EFNA5: variants seen among roughly 807,000 people sequenced by gnomAD.
EFNA5 encodes ephrin-A5.
In EFNA5, 5 loss-of-function variants were observed where a neutral mutation model predicts 22.9. The observed-to-expected ratio is 0.22, with a 90% CI of 0.11 to 0.46. The LOEUF is 0.46. EFNA5 is among the 20% of genes least tolerant of loss of function. The pLI is 0.99. For synonymous variants in EFNA5, 113 were observed against 112.2 expected, an observed-to-expected ratio of 1.01 and a Z score of -0.04; for missense variants, 237 against 293.3, an observed-to-expected ratio of 0.81 and a Z score of 1.40.
chr5:107,436,275 C>G (rs1749108235), intron 1 of EFNA5, among the ~76,000 whole-genome samples: 1 of 152,160 alleles, frequency 6.6e-6, no homozygotes, highest in Non-Finnish European at 1.5e-5. Flanking sequence ...GGAAAGAAAG[C>G]ATTAAATTGG....
At chr5:107,412,252 C>T (rs555030635) in intron 2 of EFNA5, among the ~76,000 whole-genome samples, 1 of 152,180 alleles carries the variant, frequency 6.6e-6, no homozygotes, top group Non-Finnish European at 1.5e-5. Flanking sequence ...AAGTGACAAA[C>T]CATGCTTCCC....
chr5:107,622,916 G>C (rs1750064773), intron 1 of EFNA5, among the ~76,000 whole-genome samples: 1 of 150,756 alleles, frequency 6.6e-6, no homozygotes, highest in Admixed American at 6.6e-5. Context: ...AGCTACTCGG[G>C]AGGCTGAGGC....
chr5:107,395,200 G>A (rs1012162320), intron 2 of EFNA5, among the ~76,000 whole-genome samples: 1 of 151,758 alleles, frequency 6.6e-6, no homozygotes, highest in African/African-American at 2.4e-5. Context: ...CAACATGCCT[G>A]GCTAATTTTT....
chr5:107,475,031 C>T (rs896082895), intron 1 of EFNA5, among the ~76,000 whole-genome samples: 1 of 152,166 alleles, frequency 6.6e-6, no homozygotes, highest in Admixed American at 6.5e-5. Context: ...CTTTACTAAA[C>T]AAACTTCTGA....
At chr5:107,392,913 C>T (rs995063688) in intron 2 of EFNA5, among the ~76,000 whole-genome samples, 7 of 152,240 alleles carry the variant, frequency 4.6e-5, no homozygotes, top group African/African-American at 1.7e-4. Flanking sequence ...TTATAAGCTG[C>T]TGTTGAAGAA....
chr5:107,505,406 A>C (rs1220513968), intron 1 of EFNA5, among the ~76,000 whole-genome samples: 1 of 152,234 alleles, frequency 6.6e-6, no homozygotes, highest in African/African-American at 2.4e-5. Context: ...CCATGCAACA[A>C]ATCTGCAAAC....
At chr5:107,612,171 T>C (rs1749829768) in intron 1 of EFNA5, among the ~76,000 whole-genome samples, 1 of 152,194 alleles carries the variant, frequency 6.6e-6, no homozygotes, top group Admixed American at 6.5e-5. Flanking sequence ...CAGGTTATTT[T>C]ACTAGTACTA....
chr5:107,601,943 A>T (rs190928095), intron 1 of EFNA5, among the ~76,000 whole-genome samples: 67 of 152,350 alleles, frequency 4.4e-4, no homozygotes, highest in African/African-American at 1.5e-3. Flanking sequence ...AGTCTTTCAC[A>T]GCTTTCTAGG....
At chr5:107,531,618 G>A (rs1034474441) in intron 1 of EFNA5, among the ~76,000 whole-genome samples, 6 of 152,192 alleles carry the variant, frequency 3.9e-5, no homozygotes, top group Non-Finnish European at 4.4e-5. Context: ...TGGCCAAGCA[G>A]AAGCTGGCTG....
At chr5:107,442,335 T>C (rs1749278470) in intron 1 of EFNA5, among the ~76,000 whole-genome samples, 1 of 152,322 alleles carries the variant, frequency 6.6e-6, no homozygotes, top group South Asian at 2.1e-4. Flanking sequence ...GTTTCTTTTT[T>C]TGAAAATCTC....
chr5:107,667,627 T>G (rs964552939), intron 1 of EFNA5, among the ~76,000 whole-genome samples: 1 of 152,176 alleles, frequency 6.6e-6, no homozygotes, highest in Admixed American at 6.5e-5. Flanking sequence ...TTAGACACAG[T>G]GTACATTATC....
At position 107,640,456 on chromosome 5, in the gene EFNA5, G is replaced by A. The variant is rs554192452; in HGVS notation, c.125+30033C>T. ...TTTAATGTGAAGCTACTTCTATAGT[G>A]AAAACAAGTTCATAATCGTGACATT... On this transcript the variant is annotated intron_variant, in intron 1 of 4. Transcript: ENST00000333274. 5.9e-5 allele frequency among the ~76,000 whole-genome samples: 9 copies of A among 152,340 alleles called. 1 individual carries two copies. The South Asian group carries it at 1.4e-3, about 25-fold the overall frequency.
intron 1 of EFNA5, among the ~76,000 whole-genome samples, chr5:107,564,631 G>GTTTTTTTTTTTTTTTTTTTTTTTTTTTTT (rs34585445): frequency 8.7e-6 from 1 of 115,036 alleles, no homozygotes; most frequent in African/African-American, 3.3e-5. Context: ...TTGGGTTTTT[G>GTTTTTTTTTTTTTTTTTTTTTTTTTTTTT]TTTTTTTTTT....
chr5:107,594,669 A>C (rs1210246485), intron 1 of EFNA5, among the ~76,000 whole-genome samples: 3 of 152,196 alleles, frequency 2.0e-5, no homozygotes, highest in Non-Finnish European at 4.4e-5. Flanking sequence ...TTTTAGCTAC[A>C]AAGTCAGGGC....
At chr5:107,621,184 T>A (rs1302187581) in intron 1 of EFNA5, among the ~76,000 whole-genome samples, 1 of 152,142 alleles carries the variant, frequency 6.6e-6, no homozygotes, top group Non-Finnish European at 1.5e-5. Context: ...TGGCAGAAGA[T>A]AACTTTAGCA....
At chr5:107,484,184 C>G (rs990202183) in intron 1 of EFNA5, among the ~76,000 whole-genome samples, 7 of 152,156 alleles carry the variant, frequency 4.6e-5, no homozygotes, top group Non-Finnish European at 1.5e-5. Flanking sequence ...CTGCTGAACA[C>G]CTTTAGCATC....
chr5:107,553,771 C>A (rs1055087996), intron 1 of EFNA5, among the ~76,000 whole-genome samples: 1 of 152,042 alleles, frequency 6.6e-6, no homozygotes, highest in African/African-American at 2.4e-5. Context: ...TTCCTTCTAC[C>A]AAATGAAACA....
chr5:107,603,830 A>G (rs1280554413), intron 1 of EFNA5, among the ~76,000 whole-genome samples: 1 of 152,188 alleles, frequency 6.6e-6, no homozygotes, highest in East Asian at 1.9e-4. Context: ...TGATAGCAGA[A>G]ATTTACTTTA....
At chr5:107,607,487 C>G (rs1749748104) in intron 1 of EFNA5, among the ~76,000 whole-genome samples, 1 of 152,132 alleles carries the variant, frequency 6.6e-6, no homozygotes, top group Non-Finnish European at 1.5e-5. Flanking sequence ...CAGGTACAAA[C>G]CTTTAAAACG....
Sources: gnomAD v4.1 joint callset for allele counts (sites outside exome capture counted in the v4.1 genomes callset) on GRCh38, gnomAD v4.1.1 for gene constraint, MANE v1.5 for transcripts, NCBI Gene and HGNC (gene_info 2026-07-23, HGNC 2026-07-21) for gene names.